The following SGSM1 variants were observed in gnomAD, a reference collection of about 807,000 sequenced individuals.
SGSM1 encodes small G protein signaling modulator 1, also known as RUN and TBC1 domain containing 2.
In SGSM1, 73 loss-of-function variants were observed where a neutral mutation model predicts 133.8. That is an observed-to-expected ratio of 0.55 (90% confidence interval 0.45 to 0.66). The LOEUF (loss-of-function observed/expected upper bound fraction) is 0.66, where lower values mean the gene tolerates loss of function less well. Ranked by LOEUF, SGSM1 falls within the 30% of genes least tolerant of loss-of-function variation. The probability of loss-of-function intolerance (pLI) is 0.00; values close to 1 mark genes in which losing one functional copy is unlikely to be tolerated. For synonymous variants in SGSM1, 563 were observed against 573.0 expected, an observed-to-expected ratio of 0.98 and a Z score of 0.25; for missense variants, 1,213 against 1,448.1, an observed-to-expected ratio of 0.84 and a Z score of 2.64.
At chr22:24,809,438 G>T (rs1004638880) in intron 2 of SGSM1, among the ~76,000 whole-genome samples, 4 of 152,196 alleles carry the variant, frequency 2.6e-5, no homozygotes, top group Admixed American at 1.3e-4. Flanking sequence ...TAGAAGGAGT[G>T]CCTTAACAAT....
chr22:24,905,656 G>A (rs1305322219), intron 21 of SGSM1, among the ~76,000 whole-genome samples: 1 of 151,850 alleles, frequency 6.6e-6, no homozygotes, highest in East Asian at 1.9e-4. Context: ...AGGCGTGGTG[G>A]CAGGCACCTG....
At chr22:24,886,561 C>T in intron 15 of SGSM1, 39 bp from the exon 16 acceptor site, 1 of 1,544,440 alleles carries the variant, frequency 6.5e-7, no homozygotes, top group Non-Finnish European at 8.8e-7. Flanking sequence ...CCCTGGTTTT[C>T]TGTTGACCAA....
intron 2 of SGSM1, among the ~76,000 whole-genome samples, chr22:24,815,524 C>T (rs545151556): frequency 1.3e-5 from 2 of 152,234 alleles, no homozygotes; most frequent in African/African-American, 4.8e-5. Context: ...AGGCGGATCA[C>T]GAGTTCAGGA....
intron 21 of SGSM1, among the ~76,000 whole-genome samples, chr22:24,908,845 A>T (rs1476299764): frequency 6.6e-6 from 1 of 151,980 alleles, no homozygotes; most frequent in Non-Finnish European, 1.5e-5. Flanking sequence ...AAAGTGGGTG[A>T]GGGATTTGAA....
chr22:24,828,370 T>C (rs1192666404), intron 2 of SGSM1, among the ~76,000 whole-genome samples: 1 of 152,096 alleles, frequency 6.6e-6, no homozygotes, highest in Admixed American at 6.5e-5. Flanking sequence ...AAGTATTCTA[T>C]AAAAGCACCT....
At chr22:24,867,223 C>A in intron 10 of SGSM1, 63 bp downstream of exon 10, 1 of 1,509,068 alleles carries the variant, frequency 6.6e-7, no homozygotes, top group Non-Finnish European at 9.2e-7. Context: ...CTGTCTCCAT[C>A]CCTGCCTATT....
intron 21 of SGSM1, among the ~76,000 whole-genome samples, chr22:24,909,597 A>G (rs1204862301): frequency 1.3e-5 from 2 of 151,956 alleles, no homozygotes; most frequent in African/African-American, 4.8e-5. Flanking sequence ...CTGGGATTAC[A>G]GGCGCCCACC....
rs568630209 is a variant in SGSM1 at position 24,898,528 on chromosome 22, C to A, written c.2579C>A (p.Ser860Tyr). The part of the protein sequence containing the change: ...LAVTTSANEV[S>Y]PVSSSGVTYS... The stretch of plus-strand genomic sequence containing the variant: ...GTGACTACTTCTGCCAACGAGGTGT[C>A]CCCTGTGTCTTCCAGCGGCGTCACC... The change falls in exon 19 of 25, where the codon TCC (serine) becomes TAC (tyrosine). Residue 860 changes from serine (S) to tyrosine (Y), a missense_variant. Coordinates refer to ENST00000400358, the MANE Select transcript of SGSM1 (RefSeq NM_001098497.3). 3 of 1,611,234 alleles carry A rather than the reference C, an allele frequency of 1.9e-6. No homozygotes were observed. The highest frequency in any genetic ancestry group is 1.1e-5 in the South Asian group (1 of 90,828).
intron 2 of SGSM1, among the ~76,000 whole-genome samples, chr22:24,822,088 C>CTCTTTTTTTTTTTTTTT (rs1555920070): frequency 2.1e-5 from 2 of 96,126 alleles, no homozygotes; most frequent in East Asian, 3.9e-4. Context: ...TCATCTCTCT[C>CTCTTTTTTTTTTTTTTT]TTTTTTTTTT....
chr22:24,925,955 AG>A lies in SGSM1; in HGVS notation c.*1682del, dbSNP rs1483766442. 6.6e-6 allele frequency: 1 copy of A among 152,168 alleles called. No individual in the cohort carries two copies. Among genetic ancestry groups the A allele is most frequent in the Non-Finnish European group, 1.5e-5 (1 of 68,078 alleles). The allele number at this position is 152,168 out of a possible 1,614,324, so 9.4% of individuals were successfully genotyped here. On this transcript the variant is annotated 3_prime_UTR_variant, in exon 25 of 25. Transcript: ENST00000400358. Reference sequence around the variant, plus strand: ...CAGTCTTTCCCGCTCTTCTGTTCTGAGAATGCACCCGGAATGGGGGAAACCC... The same window carrying A: ...CAGTCTTTCCCGCTCTTCTGTTCTGAAATGCACCCGGAATGGGGGAAACCC...
At chr22:24,914,931 T>TTA (rs1346946462) in intron 22 of SGSM1, among the ~76,000 whole-genome samples, 1 of 152,100 alleles carries the variant, frequency 6.6e-6, no homozygotes, top group East Asian at 1.9e-4. Context: ...TTTTTGGCCT[T>TTA]TATAAACAGT....
At position 24,888,346 on chromosome 22, in the gene SGSM1, G is replaced by GT. The variant is rs892945746; in HGVS notation, c.1770+1627dup. 4.0e-5 allele frequency among the ~76,000 whole-genome samples: 6 copies of GT among 151,252 alleles called. No individual in the cohort carries two copies. In the East Asian group the frequency reaches 7.7e-4, roughly 19 times the overall value. On this transcript the variant is annotated intron_variant, in intron 16 of 24. Transcript: ENST00000400358. ...TTACATTTGAGGTAAAATCTTTTGA[G>GT]TTTTTTTTTCTTATATACAGTGTGT...
At chr22:24,916,635 T>C (rs1933831754) in intron 22 of SGSM1, among the ~76,000 whole-genome samples, 1 of 152,042 alleles carries the variant, frequency 6.6e-6, no homozygotes, top group African/African-American at 2.4e-5. Flanking sequence ...GAGGCAGAGG[T>C]TGCAGTGAGC....
intron 22 of SGSM1, among the ~76,000 whole-genome samples, chr22:24,915,900 A>G (rs559057179): frequency 3.1e-4 from 47 of 152,282 alleles, no homozygotes; most frequent in African/African-American, 1.1e-3. Context: ...GCCTATTCAT[A>G]TGCTTTGCCC....
chr22:24,924,135 A>G, intron 24 of SGSM1, 51 bp from the exon 25 acceptor site: 1 of 1,561,808 alleles, frequency 6.4e-7, no homozygotes, highest in Non-Finnish European at 8.8e-7. Flanking sequence ...ATTGTACCCT[A>G]AGACTGGACA....
intron 16 of SGSM1, among the ~76,000 whole-genome samples, chr22:24,887,508 G>T (rs1932685058): frequency 6.6e-6 from 1 of 152,076 alleles, no homozygotes; most frequent in Non-Finnish European, 1.5e-5. Context: ...AGTTGTTTCT[G>T]GTTTTTTGGC....
intron 9 of SGSM1, among the ~76,000 whole-genome samples, chr22:24,860,604 C>A (rs1470965770): frequency 6.6e-6 from 1 of 151,914 alleles, no homozygotes; most frequent in African/African-American, 2.4e-5. Flanking sequence ...CCCCTTCTCC[C>A]CAATAATATT....
intron 3 of SGSM1, among the ~76,000 whole-genome samples, chr22:24,847,319 C>T (rs1414390405): frequency 6.6e-6 from 1 of 152,144 alleles, no homozygotes; most frequent in African/African-American, 2.4e-5. Context: ...AAGCTATGCC[C>T]CCTGAGAGCA....
chr22:24,820,413 G>A (rs561382901), intron 2 of SGSM1, among the ~76,000 whole-genome samples: 6 of 152,274 alleles, frequency 3.9e-5, no homozygotes, highest in East Asian at 3.9e-4. Flanking sequence ...GCCAGTGAAC[G>A]ATTAACTCGG....
Sources: allele counts gnomAD v4.1 joint callset (sites outside exome capture counted in the v4.1 genomes callset), GRCh38; gene constraint gnomAD v4.1.1; transcripts MANE v1.5; gene names NCBI Gene and HGNC (gene_info 2026-07-23, HGNC 2026-07-21).